The following CEP170B variants were observed in gnomAD, a reference collection of about 807,000 sequenced individuals.
The protein encoded by CEP170B is centrosomal protein 170B, also known as centrosomal protein of 170 kDa protein B.
A neutral mutation model predicts 120.6 loss-of-function variants in CEP170B; 55 were observed. That is an observed-to-expected ratio of 0.46 (90% CI 0.37 to 0.57). The LOEUF is 0.57. Among genes scored for constraint, CEP170B ranks in the 20% least tolerant of loss-of-function variants. The pLI is 0.00. For synonymous variants in CEP170B, 1,033 were observed against 954.5 expected (o/e 1.08, Z -1.52); for missense variants, 2,212 against 2,253.3 (o/e 0.98, Z 0.37).
chr14:104,894,676 G>A, intron 18 of CEP170B, 35 bp from the exon 19 acceptor site: 1 of 1,572,626 alleles, frequency 6.4e-7, no homozygotes, highest in Non-Finnish European at 8.6e-7. Context: ...CAGGTGAACT[G>A]GATCCGCAGC....
intron 15 of CEP170B, 30 bp from the exon 16 acceptor site, chr14:104,893,731 C>G: frequency 6.3e-7 from 1 of 1,593,062 alleles, no homozygotes; most frequent in Non-Finnish European, 8.5e-7. Context: ...TCCTCGAGGG[C>G]GGGGCCATGC....
rs572998671 is a variant in CEP170B at position 104,889,687 on chromosome 14, G to A, written c.3807G>A (p.Thr1269=). Residue 1269 remains threonine (T), a synonymous_variant, in exon 13 of 19, where the codon ACG becomes ACA. Transcript: ENST00000414716. ...ARSRAPGPRD[T]DDDEEEPDPY... ...CCCGGGCCCCCGGCCCCCGGGACAC[G>A]GACGACGATGAGGAGGAGCCTGACC... The A allele has an allele frequency of 6.5e-5, 105 of 1,612,162 alleles. No individual in the cohort carries two copies. The highest frequency in any genetic ancestry group is 2.4e-4 in the African/African-American group (18 of 74,972).
In CEP170B at chr14:104,872,417, G is replaced by GTGT. The variant is rs1566852598; in HGVS notation, c.106-3839_106-3838insTGT. On this transcript the variant is annotated intron_variant, in intron 2 of 18. Transcript: ENST00000414716. ...CGTGGGTGTGCGTGGGTGTGCCGTG[G>GTGT]GTGTGCCGTGCGTGTGTGCGTGTGT... Among the ~76,000 whole-genome samples, 2 of 54,570 alleles carry GTGT rather than the reference G, an allele frequency of 3.7e-5. 1 individual carries two copies. Among genetic ancestry groups the GTGT allele is most frequent in the Non-Finnish European group, 7.9e-5 (2 of 25,378 alleles). 35.8% of individuals were successfully genotyped at this position (54,570 alleles called of 152,430 possible). A position where few individuals can be genotyped will look rare whatever the true frequency, so the allele number is the denominator to read the frequency against.
intron 4 of CEP170B, 112 bp from the exon 5 acceptor site, chr14:104,878,331 C>A: frequency 9.1e-7 from 1 of 1,101,120 alleles, no homozygotes; most frequent in Non-Finnish European, 1.4e-6. Context: ...AAAGAGGCCC[C>A]TCCTCTGCCT....
rs1555390694 is a variant in CEP170B at position 104,872,480 on chromosome 14, C to CGTGTGTGCCGT, written c.106-3768_106-3758dup. ...TGCGTGTGGGTGTGCCGTGTGTGTG[C>CGTGTGTGCCGT]GTGTGTGCCGTGTGTGTGTGCGTGT... On this transcript the variant is annotated intron_variant, in intron 2 of 18. Coordinates refer to ENST00000414716, the MANE Select transcript of CEP170B (RefSeq NM_001112726.3). Among the ~76,000 whole-genome samples the CGTGTGTGCCGT allele has an allele frequency of 4.1e-5, 3 of 73,438 alleles. 1 individual carries two copies. The highest frequency in any genetic ancestry group is 2.5e-4 in the Admixed American group (2 of 8,048). 48.2% of individuals were successfully genotyped at this position (73,438 alleles called of 152,430 possible).
At position 104,889,693 on chromosome 14, in the gene CEP170B, C is replaced by T. The variant is rs574734380; in HGVS notation, c.3813C>T (p.Asp1271=). 13 of 1,612,064 alleles carry T rather than the reference C, an allele frequency of 8.1e-6. No individual in the cohort carries two copies. The highest frequency in any genetic ancestry group is 6.7e-5 in the East Asian group (3 of 44,802). The change falls in exon 13 of 19, where the codon GAC becomes GAT. Residue 1271 remains aspartate (D), a synonymous_variant. Coordinates refer to ENST00000414716, the MANE Select transcript of CEP170B (RefSeq NM_001112726.3). ...CCCCCGGCCCCCGGGACACGGACGA[C>T]GATGAGGAGGAGCCTGACCCTTATG... The part of the protein sequence containing the change: ...SRAPGPRDTD[D]DEEEPDPYGF...
At chr14:104,882,225 A>G (rs56216315) in intron 6 of CEP170B, among the ~76,000 whole-genome samples, 7,433 of 152,252 alleles carry the variant, frequency 0.049, 623 homozygotes, top group African/African-American at 0.17. Flanking sequence ...CGCAGGGACC[A>G]TGTAGATTGC....
chr14:104,866,787 G>T (rs902567295), intron 1 of CEP170B, among the ~76,000 whole-genome samples: 1 of 152,120 alleles, frequency 6.6e-6, no homozygotes, highest in Non-Finnish European at 1.5e-5. Context: ...TGGGCACTGG[G>T]CAAAGTAGGG....
At chr14:104,877,833 G>GCCCCCCCCCCCCCCCCCGCCCCCCCCCCC in intron 3 of CEP170B, 52 bp from the exon 4 acceptor site, 1 of 359,810 alleles carries the variant, frequency 2.8e-6, no homozygotes, top group Non-Finnish European at 4.4e-6. Flanking sequence ...CCTGCCCACA[G>GCCCCCCCCCCCCCCCCCGCCCCCCCCCCC]CCACCCACCC....
In CEP170B at chr14:104,887,614, G is replaced by T; in HGVS notation, c.3375G>T (p.Arg1125=). 6.4e-7 allele frequency: 1 copy of T among 1,574,592 alleles called. No individual in the cohort carries two copies. The highest frequency in any genetic ancestry group is 8.6e-7 in the Non-Finnish European group (1 of 1,162,108). Residue 1125 remains arginine (R), a synonymous_variant, in exon 12 of 19, where the codon CGG becomes CGT. Transcript: ENST00000414716. ...LSTPRPTRAS[R]LRRARLGDAS... ...CCCCTCGCCCCACACGGGCCTCCCG[G>T]CTGAGGCGGGCCCGGCTGGGGGACG...
chr14:104,893,078 C>T lies in CEP170B; in HGVS notation c.3981C>T (p.Ser1327=), dbSNP rs368360916. The T allele has an allele frequency of 2.6e-5, 42 of 1,605,790 alleles. No individual in the cohort carries two copies. The African/African-American group carries it at 3.6e-4, about 14-fold the overall frequency. The part of the protein sequence containing the change: ...DTLGSSEPAH[S]ASLSNMPSTP... ...TGGGCTCCTCGGAGCCTGCCCACAG[C>T]GCCTCCCTCAGCAACATGCCCAGCA... Residue 1327 remains serine, a synonymous_variant, in exon 14 of 19, where the codon AGC becomes AGT. Coordinates refer to ENST00000414716, the MANE Select transcript of CEP170B (RefSeq NM_001112726.3).
chr14:104,877,228 G>A (rs1325341698), intron 3 of CEP170B, among the ~76,000 whole-genome samples: 1 of 152,208 alleles, frequency 6.6e-6, no homozygotes, highest in East Asian at 1.9e-4. Flanking sequence ...TGGCTGCACA[G>A]CAAGTGGCCG....
chr14:104,886,691 G>A lies in CEP170B; in HGVS notation c.2452G>A (p.Asp818Asn), dbSNP rs763465825. The change falls in exon 12 of 19, where the codon GAT (aspartate) becomes AAT (asparagine). Residue 818 changes from aspartate (D) to asparagine (N), a missense_variant. Coordinates refer to ENST00000414716, the MANE Select transcript of CEP170B (RefSeq NM_001112726.3). ...LSRKPLAAPG[D>N]GEGLGQTAQP... ...TAGGAAACCGCTTGCGGCTCCAGGG[G>A]ATGGGGAGGGCCTAGGGCAGACAGC... is the stretch of plus-strand genomic sequence containing the variant. The A allele has an allele frequency of 1.5e-5, 24 of 1,559,658 alleles. No individual in the cohort carries two copies. The highest frequency in any genetic ancestry group is 2.0e-5 in the Non-Finnish European group (23 of 1,153,940).
chr14:104,865,763 G>A lies in CEP170B; in HGVS notation c.-28+250G>A, dbSNP rs952138481. 6.6e-6 allele frequency among the ~76,000 whole-genome samples: 1 copy of A among 152,022 alleles called. No individual in the cohort carries two copies. The highest frequency in any genetic ancestry group is 1.5e-5 in the Non-Finnish European group (1 of 67,936). On this transcript the variant is annotated intron_variant, in intron 1 of 18. Transcript: ENST00000414716. The surrounding 1 kb of genome is among the most constrained non-coding windows in gnomAD (Gnocchi z 6.7). The stretch of plus-strand genomic sequence containing the variant: ...GAGGGGGCGGCAAGCCTGGGCACCC[G>A]GGTCCCCGCCCCGGCACCGGCTCGG...
rs898576541 is a variant in CEP170B, at chr14:104,885,560, C to T, written c.1944+18C>T. 1.9e-6 allele frequency: 3 copies of T among 1,543,496 alleles called. No individual in the cohort carries two copies. Among genetic ancestry groups the T allele is most frequent in the Non-Finnish European group, 2.6e-6 (3 of 1,152,318 alleles). On this transcript the variant is annotated intron_variant, in intron 10 of 18. Coordinates refer to ENST00000414716, the MANE Select transcript of CEP170B (RefSeq NM_001112726.3). ...AGCACCAGGTACAGGCACAGACGGCCACCCCAAGGAGGGGCTGGGCAGGAA... is the reference window on the plus strand; with the variant it reads ...AGCACCAGGTACAGGCACAGACGGCTACCCCAAGGAGGGGCTGGGCAGGAA...
At chr14:104,878,151 G>A (rs370465479) in intron 4 of CEP170B, among the ~76,000 whole-genome samples, 188 bp downstream of exon 4, 6 of 150,658 alleles carry the variant, frequency 4.0e-5, no homozygotes, top group South Asian at 2.1e-4. Flanking sequence ...CCTGCAGCCC[G>A]GCCCCCCGTG....
intron 13 of CEP170B, among the ~76,000 whole-genome samples, chr14:104,890,941 A>ATGGG (rs1316455300): frequency 1.3e-5 from 1 of 75,692 alleles, no homozygotes; most frequent in Non-Finnish European, 2.5e-5. Context: ...GGGTGGATGG[A>ATGGG]TGGGTGGGTG....
rs1301937793 is a variant in CEP170B at position 104,883,931 on chromosome 14, G to C, written c.1152G>C (p.Val384=). The change falls in exon 9 of 19, where the codon GTG becomes GTC. Residue 384 remains valine (V), a synonymous_variant. Transcript: ENST00000414716. ...GVPLEASGEQ[V]RLQRQIKRDP... ...CCTTGGAGGCCAGCGGGGAGCAGGT[G>C]CGGCTGCAGAGGCAGATCAAGCGGG... The C allele has an allele frequency of 6.2e-7, 1 of 1,601,050 alleles. No homozygotes were observed. Among genetic ancestry groups the C allele is most frequent in the African/African-American group, 1.3e-5 (1 of 74,872 alleles).
At chr14:104,872,593 G>T (rs1895633329) in intron 2 of CEP170B, among the ~76,000 whole-genome samples, 1 of 152,146 alleles carries the variant, frequency 6.6e-6, no homozygotes, top group Non-Finnish European at 1.5e-5. Context: ...TGTCTGTGGG[G>T]AGGTGTCCTC....
Sources: allele counts gnomAD v4.1 joint callset (sites outside exome capture counted in the v4.1 genomes callset), GRCh38; gene constraint gnomAD v4.1.1; non-coding constraint Gnocchi (gnomAD v3.1); transcripts MANE v1.5; gene names NCBI Gene and HGNC (gene_info 2026-07-23, HGNC 2026-07-21).